ECHDC1: variants seen among roughly 807,000 people sequenced by gnomAD.
The protein encoded by ECHDC1 is ethylmalonyl-CoA decarboxylase.
Under a neutral mutation model 29.7 loss-of-function variants are expected in ECHDC1, and 29 were observed. That is an observed-to-expected ratio of 0.98 (90% confidence interval 0.73 to 1.33). The LOEUF is 1.33. Among genes scored for constraint, ECHDC1 ranks in the 40% most tolerant of loss-of-function variants. The pLI is 0.00. For missense variants in ECHDC1, 328 were observed against 350.0 expected, an observed-to-expected ratio of 0.94 and a Z score of 0.50; for synonymous variants, 126 against 123.1, an observed-to-expected ratio of 1.02 and a Z score of -0.15.
chr6:127,290,383 G>A, intron 5 of ECHDC1, 106 bp from the exon 6 acceptor site: 1 of 1,141,178 alleles, frequency 8.8e-7, no homozygotes, highest in Non-Finnish European at 1.2e-6. Flanking sequence ...GATCTTTATA[G>A]GTAGGTATAT....
intron 3 of ECHDC1, among the ~76,000 whole-genome samples, chr6:127,324,715 AG>A (rs1469036450): frequency 6.6e-6 from 1 of 152,242 alleles, no homozygotes; most frequent in East Asian, 1.9e-4. Flanking sequence ...ACAAAAGGAT[AG>A]GGGAGTGACA....
At chr6:127,304,376 AT>A in intron 5 of ECHDC1, among the ~76,000 whole-genome samples, 1 of 152,208 alleles carries the variant, frequency 6.6e-6, no homozygotes, top group Non-Finnish European at 1.5e-5. Context: ...TACAGCTTAG[AT>A]CACAACACCT....
intron 2 of ECHDC1, among the ~76,000 whole-genome samples, chr6:127,327,540 T>C (rs1783467249): frequency 6.6e-6 from 1 of 152,144 alleles, no homozygotes; most frequent in Non-Finnish European, 1.5e-5. Context: ...CAATAAAGCT[T>C]TATGGGTATA....
chr6:127,325,392 T>C lies in ECHDC1; in HGVS notation c.363+1610A>G, dbSNP rs147400863. 4.3e-3 allele frequency among the ~76,000 whole-genome samples: 649 copies of C among 152,318 alleles called. 3 individuals carry two copies. Among genetic ancestry groups the C allele is most frequent in the Non-Finnish European group, 7.0e-3 (474 of 68,016 alleles). ...AAAGGGATACCAGTAGAAAAAGTAC[T>C]GAAATATGAATGAAGTGTGGAGTTT... On this transcript the variant is annotated intron_variant, in intron 3 of 5. Transcript: ENST00000454859.
At chr6:127,329,785 G>T in intron 2 of ECHDC1, 2 of 364,476 alleles carry the variant, frequency 5.5e-6, no homozygotes, top group East Asian at 8.7e-5. Context: ...TTTAAACTAT[G>T]GTTACTAGAA....
Position 127,289,990 on chromosome 6 carries a change from C to A in ECHDC1, c.785G>T (p.Cys262Phe), listed in dbSNP as rs750967132. 1.2e-5 allele frequency: 20 copies of A among 1,613,544 alleles called. No individual in the cohort carries two copies. The highest frequency in any genetic ancestry group is 1.7e-5 in the Non-Finnish European group (20 of 1,179,648). ...EVIRALKKSV[C>F]SGRELYLEEA... ...CTCCAAATATAGCTCTCTGCCTGAA[C>A]AAACAGATTTTTTCAAAGCTCTAAT... The change falls in exon 6 of 6, where the codon TGT (cysteine) becomes TTT (phenylalanine). Residue 262 changes from cysteine (C) to phenylalanine (F), a missense_variant. Physicochemically the swap from Cys to Phe is radical, Grantham distance 205 (BLOSUM62 -2). Transcript: ENST00000454859.
chr6:127,313,833 A>T (rs1292838717), intron 5 of ECHDC1, among the ~76,000 whole-genome samples: 2 of 152,220 alleles, frequency 1.3e-5, no homozygotes, highest in African/African-American at 2.4e-5. Flanking sequence ...ATATTATGTG[A>T]ATATTGATGT....
intron 5 of ECHDC1, among the ~76,000 whole-genome samples, chr6:127,302,651 C>T (rs942809754): frequency 1.3e-5 from 2 of 152,092 alleles, no homozygotes; most frequent in East Asian, 1.9e-4. Flanking sequence ...CCACCCACCT[C>T]GATCTCCCAA....
At chr6:127,292,986 T>A (rs1261555672) in intron 5 of ECHDC1, among the ~76,000 whole-genome samples, 1 of 152,148 alleles carries the variant, frequency 6.6e-6, no homozygotes, top group African/African-American at 2.4e-5. Flanking sequence ...TCCTCTGACA[T>A]CCTGGGGCAA....
chr6:127,338,454 A>G (rs1440538405), intron 1 of ECHDC1, among the ~76,000 whole-genome samples: 2 of 152,052 alleles, frequency 1.3e-5, no homozygotes, highest in African/African-American at 4.8e-5. Context: ...GTAAACCTTT[A>G]TCATGTAGTC....
At chr6:127,338,077 C>G (rs1298177695) in intron 1 of ECHDC1, among the ~76,000 whole-genome samples, 2 of 152,130 alleles carry the variant, frequency 1.3e-5, no homozygotes, top group African/African-American at 4.8e-5. Context: ...AGTTTCTTGG[C>G]ATATGGACCA....
chr6:127,342,313 A>C, intron 1 of ECHDC1: 1 of 1,531,488 alleles, frequency 6.5e-7, no homozygotes, highest in Non-Finnish European at 8.8e-7. Flanking sequence ...TCTGGCCACA[A>C]ATCAACTCTC....
chr6:127,298,099 T>C (rs559024176), intron 5 of ECHDC1, among the ~76,000 whole-genome samples: 2 of 152,142 alleles, frequency 1.3e-5, no homozygotes, highest in African/African-American at 2.4e-5. Context: ...TTAGTCTGGG[T>C]GAAAAAAATA....
At position 127,290,154 on chromosome 6, in the gene ECHDC1, A is replaced by G; in HGVS notation, c.621T>C (p.Ser207=). The G allele has an allele frequency of 6.2e-7, 1 of 1,613,742 alleles. No homozygotes were observed. Among genetic ancestry groups the G allele is most frequent in the Non-Finnish European group, 8.5e-7 (1 of 1,179,780 alleles). The change falls in exon 6 of 6, where the codon AGT becomes AGC. Residue 207 remains serine (S), a synonymous_variant. Transcript: ENST00000454859. The part of the protein sequence containing the change: ...IGSRQALKVL[S]GALKLDSKNA... ...TTTTTGAATCCAGTTTAAGGGCCCCACTCAACACTTTGAGAGCTTGTCTAC... is the reference window on the plus strand; with the variant it reads ...TTTTTGAATCCAGTTTAAGGGCCCCGCTCAACACTTTGAGAGCTTGTCTAC...
Position 127,316,440 on chromosome 6 carries a change from G to C in ECHDC1, c.416+10C>G, listed in dbSNP as rs781484578. The C allele has an allele frequency of 1.4e-5, 22 of 1,594,392 alleles. No homozygotes were observed. The highest frequency in any genetic ancestry group is 2.3e-5 in the East Asian group (1 of 44,378). ...TTAGAAATCATATTTTAAAAAGAAG[G>C]CTGCATTACCTCATAAATCTTGTTA... is the stretch of plus-strand genomic sequence containing the variant. On this transcript the variant is annotated intron_variant, in intron 4 of 5. Transcript: ENST00000454859.
chr6:127,322,123 T>C (rs571669229), intron 3 of ECHDC1, among the ~76,000 whole-genome samples: 1 of 152,116 alleles, frequency 6.6e-6, no homozygotes, highest in Non-Finnish European at 1.5e-5. Flanking sequence ...CTGACCAACA[T>C]GGTGAAACCC....
chr6:127,323,936 T>C (rs1208995493), intron 3 of ECHDC1, among the ~76,000 whole-genome samples: 2 of 152,146 alleles, frequency 1.3e-5, no homozygotes, highest in Non-Finnish European at 2.9e-5. Context: ...CAAAAGCATA[T>C]TTTTAAATTT....
intron 5 of ECHDC1, among the ~76,000 whole-genome samples, chr6:127,293,098 C>T (rs577523718): frequency 4.6e-5 from 7 of 152,112 alleles, no homozygotes; most frequent in East Asian, 1.9e-4. Context: ...AAGAGTTACA[C>T]CTTTGACAGG....
intron 5 of ECHDC1, among the ~76,000 whole-genome samples, chr6:127,299,357 A>G (rs1780873591): frequency 6.6e-6 from 1 of 151,758 alleles, no homozygotes; most frequent in Non-Finnish European, 1.5e-5. Context: ...GGGTAGGACA[A>G]TGATATATGT....
Sources: gnomAD v4.1 joint callset for allele counts (sites outside exome capture counted in the v4.1 genomes callset) on GRCh38, gnomAD v4.1.1 for gene constraint, MANE v1.5 for transcripts, NCBI Gene and HGNC (gene_info 2026-07-23, HGNC 2026-07-21) for gene names.